The following PCDHGA1 variants were observed in gnomAD, a reference collection of about 807,000 sequenced individuals.
PCDHGA1 encodes protocadherin gamma-A1.
In PCDHGA1, 32 loss-of-function variants were observed where a neutral mutation model predicts 58.0. The ratio of observed to expected loss-of-function variants is 0.55; its 90% CI spans 0.42 to 0.74. The LOEUF (loss-of-function observed/expected upper bound fraction) is 0.74, where lower values mean the gene tolerates loss of function less well. Among genes scored for constraint, PCDHGA1 ranks in the 30% least tolerant of loss-of-function variants. PCDHGA1 has a pLI of 0.00. For missense variants in PCDHGA1, 1,205 were observed against 1,182.3 expected, an observed-to-expected ratio of 1.02 and a Z score of -0.28; for synonymous variants, 498 against 501.1, an observed-to-expected ratio of 0.99 and a Z score of 0.08.
chr5:141,491,612 G>C lies in PCDHGA1; in HGVS notation c.2422-3195G>C, dbSNP rs759955730. 1 of 1,613,906 alleles carries C rather than the reference G, an allele frequency of 6.2e-7. No individual in the cohort carries two copies. Among genetic ancestry groups the C allele is most frequent in the South Asian group, 1.1e-5 (1 of 91,080 alleles). ...GACGGCAGTGACTTCACTTTTCTAA[G>C]ACCCCTCAGCGTTCAGCAGCCCACA... On this transcript the variant is annotated intron_variant, in intron 1 of 3. Transcript: ENST00000517417. The surrounding 1 kb of genome is among the most constrained non-coding windows in gnomAD (Gnocchi z 6.9).
chr5:141,400,081 G>A lies in PCDHGA1; in HGVS notation c.2421+66976G>A, dbSNP rs763547099. 3.7e-6 allele frequency: 6 copies of A among 1,613,902 alleles called. No homozygotes were observed. The highest frequency in any genetic ancestry group is 3.3e-5 in the Admixed American group (2 of 60,010). On this transcript the variant is annotated intron_variant, in intron 1 of 3. Transcript: ENST00000517417. ...TGATGGTGGACAGCCGCCACTCTCC[G>A]CCACCGCCACGCTGCACTTGGTCTT...
In PCDHGA1 at chr5:141,417,886, C is replaced by G. The variant is rs1330007520; in HGVS notation, c.2422-76921C>G. Reference sequence around the variant, plus strand: ...TGGGAGGGAGCTGCGCGCAGAGGCGCCGGGCCGGCCCGCGGCAGGTACTAT... The same window carrying G: ...TGGGAGGGAGCTGCGCGCAGAGGCGGCGGGCCGGCCCGCGGCAGGTACTAT... On this transcript the variant is annotated intron_variant, in intron 1 of 3. Transcript: ENST00000517417. The G allele has an allele frequency of 9.0e-6, 14 of 1,563,624 alleles. No individual in the cohort carries two copies. The African/African-American group carries it at 1.9e-4, about 21-fold the overall frequency.
In PCDHGA1 at chr5:141,489,189, C is replaced by A; in HGVS notation, c.2422-5618C>A. 1 of 1,341,534 alleles carries A rather than the reference C, an allele frequency of 7.5e-7. No homozygotes were observed. The highest frequency in any genetic ancestry group is 1.0e-6 in the Non-Finnish European group (1 of 975,280). 83.1% of individuals were successfully genotyped at this position (1,341,534 alleles called of 1,614,324 possible). A position where few individuals can be genotyped will look rare whatever the true frequency, so the allele number is the denominator to read the frequency against. On this transcript the variant is annotated intron_variant, in intron 1 of 3. Transcript: ENST00000517417. This position sits in a 1 kb window ranked among gnomAD's most constrained non-coding sequence, Gnocchi z 4.5. ...TGCTGCATTCCAAGCCCTGGGTCTA[C>A]CTTGGAGACAGGACAGCACAGACTT...
rs1386904017 is a variant in PCDHGA1 at position 141,476,642 on chromosome 5, CG to C, written c.2422-18164del. On this transcript the variant is annotated intron_variant, in intron 1 of 3. Coordinates refer to ENST00000517417, the MANE Select transcript of PCDHGA1 (RefSeq NM_018912.3). The surrounding 1 kb of genome is among the most constrained non-coding windows in gnomAD (Gnocchi z 7.6). ...CTCTTTACAAACCTATGAGCTGAGC[CG>C]AAATGAATACTTTGCGCTTCGCGTG... The C allele has an allele frequency of 2.5e-6, 4 of 1,614,240 alleles. No homozygotes were observed.
intron 1 of PCDHGA1, chr5:141,399,515 C>T (rs748098945): frequency 6.2e-7 from 1 of 1,614,040 alleles, no homozygotes; most frequent in African/African-American, 1.3e-5. Context: ...AACAACCCTC[C>T]TGGGGCCTCC....
At chr5:141,337,823 C>A (rs1418043354) in intron 1 of PCDHGA1, among the ~76,000 whole-genome samples, 1 of 152,154 alleles carries the variant, frequency 6.6e-6, no homozygotes, top group Non-Finnish European at 1.5e-5. Context: ...GTATTTTACA[C>A]CCTTGGAAAA....
chr5:141,454,097 C>T (rs1021353610), intron 1 of PCDHGA1, among the ~76,000 whole-genome samples: 10 of 152,292 alleles, frequency 6.6e-5, no homozygotes, highest in Middle Eastern at 3.4e-3. Flanking sequence ...TTGAATTGAA[C>T]ATAAATGGAG....
intron 1 of PCDHGA1, chr5:141,351,882 A>G (rs1309999370): frequency 6.2e-7 from 1 of 1,613,236 alleles, no homozygotes; most frequent in African/African-American, 1.3e-5. Context: ...CTCAGCGCCA[A>G]CGTGAGCCTG....
At chr5:141,385,375 T>C (rs1781162127) in intron 1 of PCDHGA1, 2 of 1,523,626 alleles carry the variant, frequency 1.3e-6, no homozygotes, top group South Asian at 1.3e-5. Context: ...GCATGATATT[T>C]CTCTATTATT....
Position 141,485,411 on chromosome 5 carries a change from G to C in PCDHGA1, c.2422-9396G>C, listed in dbSNP as rs1412397411. On this transcript the variant is annotated intron_variant, in intron 1 of 3. Coordinates refer to ENST00000517417, the MANE Select transcript of PCDHGA1 (RefSeq NM_018912.3). This position sits in a 1 kb window ranked among gnomAD's most constrained non-coding sequence, Gnocchi z 5.7. The stretch of plus-strand genomic sequence containing the variant: ...CCAAAGACACTTCCGTGTGGATTTG[G>C]ACAGCGGAGCCCTGCTCATCAAGAA... The C allele has an allele frequency of 2.5e-6, 4 of 1,614,054 alleles. No homozygotes were observed. Among genetic ancestry groups the C allele is most frequent in the Non-Finnish European group, 3.4e-6 (4 of 1,180,044 alleles).
Position 141,332,394 on chromosome 5 carries a change from T to C in PCDHGA1, c.1710T>C (p.Asp570=), listed in dbSNP as rs754416909. The part of the protein sequence containing the change: ...PEILYPALPT[D]GSTGVELAPL... ...TCCTGTACCCCGCCCTCCCCACAGA[T>C]GGTTCTACCGGCGTGGAGCTGGCGC... Residue 570 remains aspartate (D), a synonymous_variant, in exon 1 of 4, where the codon GAT becomes GAC. Transcript: ENST00000517417. The surrounding 1 kb of genome is among the most constrained non-coding windows in gnomAD (Gnocchi z 4.6). 39 of 1,613,978 alleles carry C rather than the reference T, an allele frequency of 2.4e-5. No individual in the cohort carries two copies. In the South Asian group the frequency reaches 2.7e-4, roughly 11 times the overall value.
rs372676262 is a variant in PCDHGA1 at position 141,404,832 on chromosome 5, G to A, written c.2421+71727G>A. On this transcript the variant is annotated intron_variant, in intron 1 of 3. Coordinates refer to ENST00000517417, the MANE Select transcript of PCDHGA1 (RefSeq NM_018912.3). ...GTGGGGCTGCACACAGGTGAAGTGCGCACAGCTCGGGCCCTGCTAGATAGA... is the reference window on the plus strand; with the variant it reads ...GTGGGGCTGCACACAGGTGAAGTGCACACAGCTCGGGCCCTGCTAGATAGA... 34 of 1,613,864 alleles carry A rather than the reference G, an allele frequency of 2.1e-5. No individual in the cohort carries two copies. Among genetic ancestry groups the A allele is most frequent in the Middle Eastern group, 1.6e-4 (1 of 6,062 alleles).
intron 1 of PCDHGA1, among the ~76,000 whole-genome samples, chr5:141,481,913 C>CAAAA (rs34114744): frequency 1.1e-5 from 1 of 90,846 alleles, no homozygotes; most frequent in African/African-American, 4.2e-5. Context: ...AACTCCATCT[C>CAAAA]AAAAAAAAAA....
intron 1 of PCDHGA1, among the ~76,000 whole-genome samples, chr5:141,472,935 A>G (rs1593400204): frequency 6.6e-6 from 1 of 150,778 alleles, no homozygotes; most frequent in East Asian, 1.9e-4. Context: ...GTGGTGAGCC[A>G]AGATTATGCC....
intron 1 of PCDHGA1, among the ~76,000 whole-genome samples, chr5:141,338,437 C>T (rs1433649494): frequency 1.3e-5 from 2 of 152,208 alleles, no homozygotes; most frequent in Non-Finnish European, 2.9e-5. Context: ...TCTGATTATA[C>T]AATAAGAGAT....
chr5:141,373,542 G>A (rs1451979596), intron 1 of PCDHGA1, among the ~76,000 whole-genome samples: 1 of 152,216 alleles, frequency 6.6e-6, no homozygotes. Flanking sequence ...GTTTGTGGTT[G>A]TTGGTACCCT....
rs757565497 is a variant in PCDHGA1 at position 141,370,731 on chromosome 5, C to A, written c.2421+37626C>A. 4 of 1,613,798 alleles carry A rather than the reference C, an allele frequency of 2.5e-6. No homozygotes were observed. The South Asian group carries it at 3.3e-5, about 13-fold the overall frequency. ...GGAATTTGAAATGGTTGCTGAAAAG[C>A]CTTTAAACTTTTTTCATGTAACTGT... On this transcript the variant is annotated intron_variant, in intron 1 of 3. Coordinates refer to ENST00000517417, the MANE Select transcript of PCDHGA1 (RefSeq NM_018912.3).
At chr5:141,452,065 T>A (rs185791618) in intron 1 of PCDHGA1, among the ~76,000 whole-genome samples, 1 of 152,332 alleles carries the variant, frequency 6.6e-6, no homozygotes, top group Non-Finnish European at 1.5e-5. Flanking sequence ...TTATTCTACT[T>A]TTATTAGTTG....
At chr5:141,393,447 C>T (rs753693736) in intron 1 of PCDHGA1, 3 of 1,614,052 alleles carry the variant, frequency 1.9e-6, no homozygotes, top group East Asian at 4.5e-5. Context: ...CCACCTGGTC[C>T]TCACGGCCTC....
Sources: gnomAD v4.1 joint callset for allele counts (sites outside exome capture counted in the v4.1 genomes callset) on GRCh38, gnomAD v4.1.1 for gene constraint, Gnocchi (gnomAD v3.1) non-coding constraint, MANE v1.5 for transcripts, NCBI Gene and HGNC (gene_info 2026-07-23, HGNC 2026-07-21) for gene names.